ZNF777: variants seen among roughly 807,000 people sequenced by gnomAD.
The protein encoded by ZNF777 is zinc finger protein 777.
ZNF777 carries 7 observed loss-of-function variants against 72.1 expected under a neutral mutation model. The observed-to-expected ratio is 0.10, with a 90% CI of 0.06 to 0.18. ZNF777 has a LOEUF of 0.18. Ranked by LOEUF, ZNF777 falls within the 10% of genes least tolerant of loss-of-function variation. The pLI, the probability that ZNF777 is intolerant of heterozygous loss-of-function variation, is 1.00. For missense variants in ZNF777, 828 were observed against 1,128.6 expected (o/e 0.73, Z 3.82); for synonymous variants, 545 against 483.5 (o/e 1.13, Z -1.67).
chr7:149,435,398 T>A (rs936578266), intron 5 of ZNF777, among the ~76,000 whole-genome samples: 1 of 152,144 alleles, frequency 6.6e-6, no homozygotes, highest in Non-Finnish European at 1.5e-5. Flanking sequence ...CATGAACTCC[T>A]GGGCTCAAGC....
intron 4 of ZNF777, among the ~76,000 whole-genome samples, chr7:149,438,870 G>A (rs1164511968): frequency 6.6e-6 from 1 of 152,116 alleles, no homozygotes; most frequent in East Asian, 1.9e-4. Flanking sequence ...TGGTTTGGAA[G>A]TGGATGGAAT....
chr7:149,436,682 G>C lies in ZNF777; in HGVS notation c.1232C>G (p.Pro411Arg). 6.2e-7 allele frequency: 1 copy of C among 1,614,122 alleles called. No individual in the cohort carries two copies. Among genetic ancestry groups the C allele is most frequent in the Non-Finnish European group, 8.5e-7 (1 of 1,180,030 alleles). The change falls in exon 5 of 6, where the codon CCA becomes CGA. Residue 411 changes from proline (P) to arginine (R), a missense_variant. Pro to Arg is a moderately radical substitution (Grantham distance 103). Coordinates refer to ENST00000247930, the MANE Select transcript of ZNF777 (RefSeq NM_015694.3). The surrounding 1 kb of genome is among the most constrained non-coding windows in gnomAD (Gnocchi z 5.0). Reference protein sequence around the residue: ...SELGDPCGEQPDLDMQEPENT... With the variant: ...SELGDPCGEQRDLDMQEPENT... ...CTCTGGCTCCTGCATGTCCAGGTCT[G>C]GCTGTTCCCCACAGGGGTCACCCAG...
Position 149,432,632 on chromosome 7 carries a change from G to A in ZNF777, c.1640C>T (p.Thr547Ile), listed in dbSNP as rs1799335647. The stretch of plus-strand genomic sequence containing the variant: ...GAAGCTCTTGCCGCACTCCATGCAT[G>A]TGAAGGGCCGCTCGCCGCGCCGGTT... ...QRNRRGERPF[T>I]CMECGKSFRL... Residue 547 changes from threonine to isoleucine, a missense_variant, in exon 6 of 6, where the codon ACA becomes ATA. Transcript: ENST00000247930. 4 of 1,613,452 alleles carry A rather than the reference G, an allele frequency of 2.5e-6. No individual in the cohort carries two copies. The highest frequency in any genetic ancestry group is 1.7e-5 in the Admixed American group (1 of 59,958).
At chr7:149,446,289 T>C (rs1799600973) in intron 4 of ZNF777, among the ~76,000 whole-genome samples, 1 of 151,856 alleles carries the variant, frequency 6.6e-6, no homozygotes, top group Non-Finnish European at 1.5e-5. Flanking sequence ...GGCGGGAAAA[T>C]CACTTGTATC....
Position 149,442,576 on chromosome 7 carries a change from C to T in ZNF777, c.1088-5750G>A, listed in dbSNP as rs185627795. On this transcript the variant is annotated intron_variant, in intron 4 of 5. Transcript: ENST00000247930. ...TGGAGGTTGCAGTGAGCTGAGATAG[C>T]GCCACTGCACTCCAGCCTGGGCAAC... is the stretch of plus-strand genomic sequence containing the variant. 8.0e-3 allele frequency among the ~76,000 whole-genome samples: 1,205 copies of T among 150,784 alleles called. 8 individuals carry two copies. Among genetic ancestry groups the T allele is most frequent in the Non-Finnish European group, 0.013 (851 of 67,780 alleles).
In ZNF777 at chr7:149,455,211, C is replaced by T; in HGVS notation, c.812G>A (p.Arg271Gln). 1 of 1,613,764 alleles carries T rather than the reference C, an allele frequency of 6.2e-7. No individual in the cohort carries two copies. Among genetic ancestry groups the T allele is most frequent in the Non-Finnish European group, 8.5e-7 (1 of 1,179,918 alleles). Residue 271 changes from arginine to glutamine, a missense_variant, in exon 2 of 6, where the codon CGG becomes CAG. Transcript: ENST00000247930. The surrounding 1 kb of genome is among the most constrained non-coding windows in gnomAD (Gnocchi z 4.2). ...LLKNRNFWIL[R>Q]LPPGSNGEVP... The stretch of plus-strand genomic sequence containing the variant: ...TTCTCCATTGCTGCCGGGGGGCAGC[C>T]GCAGGATCCAGAAATTTCTGTTTTT...
Position 149,455,661 on chromosome 7 carries a change from G to T in ZNF777, c.362C>A (p.Ser121Tyr). 1 of 1,539,524 alleles carries T rather than the reference G, an allele frequency of 6.5e-7. No individual in the cohort carries two copies. Residue 121 changes from serine (S) to tyrosine (Y), a missense_variant, in exon 2 of 6, where the codon TCC becomes TAC. Physicochemically the swap from Ser to Tyr is moderately radical, Grantham distance 144 (BLOSUM62 -2). Transcript: ENST00000247930. The surrounding 1 kb of genome is among the most constrained non-coding windows in gnomAD (Gnocchi z 4.2). Reference sequence around the variant, plus strand: ...AACGGGGGCTTCCTGGTGGTGGGGGGAGTGGGAGAGAAGGGAGACTTCTTG... The same window carrying T: ...AACGGGGGCTTCCTGGTGGTGGGGGTAGTGGGAGAGAAGGGAGACTTCTTG... ...AEQEVSLLSHSPHHQEAPVHS... is the reference protein window; with the variant it reads ...AEQEVSLLSHYPHHQEAPVHS...
chr7:149,458,751 C>T (rs2116612878), intron 1 of ZNF777, among the ~76,000 whole-genome samples: 1 of 152,336 alleles, frequency 6.6e-6, no homozygotes, highest in Admixed American at 6.5e-5. Context: ...TAATCCATCC[C>T]GGTAAACCTG....
chr7:149,438,069 C>T (rs542787656), intron 4 of ZNF777, among the ~76,000 whole-genome samples: 65 of 151,788 alleles, frequency 4.3e-4, no homozygotes, highest in African/African-American at 1.4e-3. Flanking sequence ...TTAGTAGAGA[C>T]GGGGTTTCAC....
chr7:149,431,619 C>A lies in ZNF777; in HGVS notation c.*157G>T. ...GCAGCAAGGGACCTGGTCTCACTGC[C>A]CCCATGTCCTTGGGAGGAGGGACGA... On this transcript the variant is annotated 3_prime_UTR_variant, in exon 6 of 6. Coordinates refer to ENST00000247930, the MANE Select transcript of ZNF777 (RefSeq NM_015694.3). 1 of 769,954 alleles carries A rather than the reference C, an allele frequency of 1.3e-6. No individual in the cohort carries two copies. Among genetic ancestry groups the A allele is most frequent in the Non-Finnish European group, 1.9e-6 (1 of 531,514 alleles). The allele number at this position is 769,954 out of a possible 1,614,324, so 47.7% of individuals were successfully genotyped here.
chr7:149,452,171 A>G (rs1398429128), intron 3 of ZNF777, among the ~76,000 whole-genome samples: 1 of 152,142 alleles, frequency 6.6e-6, no homozygotes, highest in Admixed American at 6.5e-5. Context: ...AGGCTGAGGC[A>G]GGAGAATAGT....
At chr7:149,441,647 A>G (rs999486275) in intron 4 of ZNF777, among the ~76,000 whole-genome samples, 2 of 152,194 alleles carry the variant, frequency 1.3e-5, no homozygotes, top group Non-Finnish European at 2.9e-5. Context: ...ATTCGTGTTC[A>G]TAAGAACTCC....
chr7:149,450,878 G>A (rs1163194789), intron 4 of ZNF777, 121 bp downstream of exon 4: 1 of 803,182 alleles, frequency 1.2e-6, no homozygotes, highest in African/African-American at 1.7e-5. Flanking sequence ...GCACCTGCGG[G>A]CCTCCTTCCT....
Position 149,452,632 on chromosome 7 carries a change from CA to C in ZNF777, c.973+1478del, listed in dbSNP as rs869183800. On this transcript the variant is annotated intron_variant, in intron 3 of 5. Coordinates refer to ENST00000247930, the MANE Select transcript of ZNF777 (RefSeq NM_015694.3). ...TGGGCAACAGAGCGAGACTCTGTCT[CA>C]AAAAAAAAAAAAAAAAGTAAATAAA... 6.3e-3 allele frequency among the ~76,000 whole-genome samples: 461 copies of C among 73,010 alleles called. 2 individuals are homozygous for C. Among genetic ancestry groups the C allele is most frequent in the Admixed American group, 0.014 (84 of 6,036 alleles). 47.9% of individuals were successfully genotyped at this position (73,010 alleles called of 152,430 possible). A position where few individuals can be genotyped will look rare whatever the true frequency, so the allele number is the denominator to read the frequency against.
At chr7:149,457,184 T>TACTC (rs1799850471) in intron 1 of ZNF777, among the ~76,000 whole-genome samples, 1 of 152,248 alleles carries the variant, frequency 6.6e-6, no homozygotes, top group African/African-American at 2.4e-5. Flanking sequence ...CACCCTGCCA[T>TACTC]ACTCACATCG....
Position 149,451,115 on chromosome 7 carries a change from A to T in ZNF777, c.974-3T>A. 6.2e-7 allele frequency: 1 copy of T among 1,613,398 alleles called. No homozygotes were observed. On this transcript the variant is annotated splice_region_variant and splice_polypyrimidine_tract_variant and intron_variant, in intron 3 of 5. Coordinates refer to ENST00000247930, the MANE Select transcript of ZNF777 (RefSeq NM_015694.3). ...GTCTGGTTTGGAAATTGCATAGTCT[A>T]GGCAGAAGAAAGGGAAAAAAATATG...
At chr7:149,457,876 G>A (rs1180708553) in intron 1 of ZNF777, among the ~76,000 whole-genome samples, 1 of 152,224 alleles carries the variant, frequency 6.6e-6, no homozygotes. Flanking sequence ...AGTACAGGAA[G>A]ACACTGGGGA....
intron 4 of ZNF777, among the ~76,000 whole-genome samples, 186 bp downstream of exon 4, chr7:149,450,813 C>T (rs1375683928): frequency 1.3e-5 from 2 of 152,196 alleles, no homozygotes; most frequent in African/African-American, 4.8e-5. Flanking sequence ...AACGGCATTC[C>T]CATTAATCAA....
chr7:149,444,119 A>G, intron 4 of ZNF777, among the ~76,000 whole-genome samples: 1 of 152,122 alleles, frequency 6.6e-6, no homozygotes, highest in East Asian at 1.9e-4. Context: ...CTGCCAATAC[A>G]GTTTTGTTGT....
Sources: gnomAD v4.1 joint callset for allele counts (sites outside exome capture counted in the v4.1 genomes callset) on GRCh38, gnomAD v4.1.1 for gene constraint, Gnocchi (gnomAD v3.1) non-coding constraint, MANE v1.5 for transcripts, NCBI Gene and HGNC (gene_info 2026-07-23, HGNC 2026-07-21) for gene names.